The following KLHL1 variants were observed in gnomAD, a reference collection of about 807,000 sequenced individuals.
The protein encoded by KLHL1 is kelch like family member 1.
In KLHL1, 47 loss-of-function variants were observed where a neutral mutation model predicts 77.7. That is an observed-to-expected ratio of 0.60 (90% CI 0.48 to 0.77). KLHL1 has a LOEUF of 0.77. Ranked by LOEUF, KLHL1 falls within the 30% of genes least tolerant of loss-of-function variation. The pLI, the probability that KLHL1 is intolerant of heterozygous loss-of-function variation, is 0.00. For synonymous variants in KLHL1, 360 were observed against 325.2 expected, an observed-to-expected ratio of 1.11 and a Z score of -1.15; for missense variants, 925 against 910.8, an observed-to-expected ratio of 1.02 and a Z score of -0.20.
intron 2 of KLHL1, among the ~76,000 whole-genome samples, chr13:69,972,530 C>T (rs1017728141): frequency 4.6e-5 from 7 of 151,808 alleles, no homozygotes; most frequent in African/African-American, 1.4e-4. Flanking sequence ...TCTGTTGATA[C>T]ATTTCAGAAA....
At chr13:69,901,103 C>A (rs540323060) in intron 4 of KLHL1, among the ~76,000 whole-genome samples, 1 of 152,126 alleles carries the variant, frequency 6.6e-6, no homozygotes, top group Non-Finnish European at 1.5e-5. Context: ...TTGTAAGACA[C>A]TGTACATGCA....
intron 1 of KLHL1, among the ~76,000 whole-genome samples, 187 bp downstream of exon 1, chr13:70,107,016 T>C (rs1294362476): frequency 1.3e-5 from 2 of 152,206 alleles, no homozygotes; most frequent in Non-Finnish European, 2.9e-5. Flanking sequence ...GTGAGGTGTC[T>C]GAACCAATAG....
intron 7 of KLHL1, among the ~76,000 whole-genome samples, chr13:69,749,791 G>T (rs1312755592): frequency 6.6e-6 from 1 of 151,812 alleles, no homozygotes; most frequent in Non-Finnish European, 1.5e-5. Flanking sequence ...TGTTATTTCT[G>T]TATCAATGCA....
chr13:69,911,924 T>G (rs1328930718), intron 4 of KLHL1, among the ~76,000 whole-genome samples: 1 of 152,140 alleles, frequency 6.6e-6, no homozygotes, highest in African/African-American at 2.4e-5. Context: ...AAACAACTAA[T>G]TTAAATAACA....
At position 69,701,561 on chromosome 13, in the gene KLHL1, A is replaced by C. The variant is rs1593755785; in HGVS notation, c.*141T>G. On this transcript the variant is annotated 3_prime_UTR_variant, in exon 11 of 11. Transcript: ENST00000377844. ...TCCTACTATTCTGTTTGATCTACTA[A>C]CTCTTTCAACATCAGTAGGTAACGC... 1 of 633,794 alleles carries C rather than the reference A, an allele frequency of 1.6e-6. No individual in the cohort carries two copies. The highest frequency in any genetic ancestry group is 2.8e-6 in the Non-Finnish European group (1 of 356,606). The allele number at this position is 633,794 out of a possible 1,614,324, so 39.3% of individuals were successfully genotyped here.
At chr13:69,910,175 C>T (rs1388899584) in intron 4 of KLHL1, among the ~76,000 whole-genome samples, 4 of 151,892 alleles carry the variant, frequency 2.6e-5, no homozygotes, top group Non-Finnish European at 5.9e-5. Flanking sequence ...CAGTGCACCA[C>T]AAATAATTAT....
At chr13:69,879,584 G>A (rs921022528) in intron 5 of KLHL1, among the ~76,000 whole-genome samples, 4 of 152,086 alleles carry the variant, frequency 2.6e-5, no homozygotes, top group Admixed American at 1.3e-4. Flanking sequence ...AGCAAAAAAT[G>A]TTTCCTGACC....
At chr13:69,758,872 C>T (rs1434003507) in intron 7 of KLHL1, among the ~76,000 whole-genome samples, 2 of 151,994 alleles carry the variant, frequency 1.3e-5, no homozygotes, top group Non-Finnish European at 2.9e-5. Context: ...CTAGAAAATA[C>T]TCATTTTATG....
chr13:69,732,047 A>T (rs530013149), intron 8 of KLHL1, among the ~76,000 whole-genome samples: 2 of 152,200 alleles, frequency 1.3e-5, no homozygotes, highest in African/African-American at 2.4e-5. Flanking sequence ...TAAGGTGGTT[A>T]TAAAGGTGAT....
At chr13:69,915,826 A>T (rs1182181422) in intron 4 of KLHL1, among the ~76,000 whole-genome samples, 2 of 151,796 alleles carry the variant, frequency 1.3e-5, no homozygotes, top group African/African-American at 4.9e-5. Context: ...ATGGGAGAAA[A>T]TTTTTGTAAT....
chr13:69,962,344 G>T (rs1357267401), intron 2 of KLHL1, among the ~76,000 whole-genome samples: 3 of 151,956 alleles, frequency 2.0e-5, no homozygotes, highest in Admixed American at 6.6e-5. Context: ...ATGTTTGCTA[G>T]TTCTTTTGAT....
intron 3 of KLHL1, among the ~76,000 whole-genome samples, chr13:69,940,545 A>G (rs148297855): frequency 0.01 from 1,567 of 152,234 alleles, 25 homozygotes; most frequent in African/African-American, 0.035. Flanking sequence ...TAAGGTTCAG[A>G]ATATATGCCT....
chr13:69,779,535 C>CTTAT (rs1208984353), intron 7 of KLHL1, among the ~76,000 whole-genome samples: 128 of 146,914 alleles, frequency 8.7e-4, no homozygotes, highest in Non-Finnish European at 5.6e-4. Flanking sequence ...CTCTTTTTTT[C>CTTAT]TTATTTCTCT....
intron 3 of KLHL1, among the ~76,000 whole-genome samples, chr13:69,948,475 T>G (rs1434161735): frequency 6.6e-6 from 1 of 151,968 alleles, no homozygotes; most frequent in African/African-American, 2.4e-5. Flanking sequence ...GGAGTCACCC[T>G]CCTCTGATTC....
chr13:69,815,401 C>T (rs1878077931), intron 6 of KLHL1, among the ~76,000 whole-genome samples: 1 of 152,172 alleles, frequency 6.6e-6, no homozygotes, highest in Non-Finnish European at 1.5e-5. Context: ...ACGTCCTTTG[C>T]AGCAACATTG....
At chr13:69,915,561 T>A (rs1454643579) in intron 4 of KLHL1, among the ~76,000 whole-genome samples, 1 of 152,138 alleles carries the variant, frequency 6.6e-6, no homozygotes, top group African/African-American at 2.4e-5. Flanking sequence ...TGAAACTGGA[T>A]CCCTTCCTTA....
chr13:69,985,492 A>T (rs74787548), intron 1 of KLHL1, among the ~76,000 whole-genome samples: 11,123 of 151,772 alleles, frequency 0.073, 460 homozygotes, highest in Middle Eastern at 0.092. Context: ...AAAAATATAT[A>T]AAAAATACTG....
At chr13:70,003,264 G>A (rs999186576) in intron 1 of KLHL1, among the ~76,000 whole-genome samples, 2 of 151,630 alleles carry the variant, frequency 1.3e-5, no homozygotes, top group Non-Finnish European at 3.0e-5. Context: ...TGAAAACTTT[G>A]ATGAATAAGG....
At chr13:69,956,334 A>G (rs1883887787) in intron 3 of KLHL1, among the ~76,000 whole-genome samples, 2 of 150,734 alleles carry the variant, frequency 1.3e-5, no homozygotes, top group Non-Finnish European at 3.0e-5. Flanking sequence ...TACATAGTAG[A>G]CATACATATA....
Sources: gnomAD v4.1 joint callset for allele counts (sites outside exome capture counted in the v4.1 genomes callset) on GRCh38, gnomAD v4.1.1 for gene constraint, MANE v1.5 for transcripts, NCBI Gene and HGNC (gene_info 2026-07-23, HGNC 2026-07-21) for gene names.